The following DCHS1 variants were observed in gnomAD, a reference collection of about 807,000 sequenced individuals.
The protein encoded by DCHS1 is dachsous cadherin-related 1.
Under a neutral mutation model 213.9 loss-of-function variants are expected in DCHS1, and 78 were observed. That is an observed-to-expected ratio of 0.36 (90% CI 0.30 to 0.44). DCHS1 has a LOEUF of 0.44. Ranked by LOEUF, DCHS1 falls within the 20% of genes least tolerant of loss-of-function variation. DCHS1 has a pLI of 1.00. For missense variants in DCHS1, 3,946 were observed against 4,395.9 expected (o/e 0.90, Z 2.89); for synonymous variants, 1,828 against 1,873.7 (o/e 0.98, Z 0.63).
At position 6,622,023 on chromosome 11, in the gene DCHS1, G is replaced by T. The variant is rs1394619129; in HGVS notation, c.9653C>A (p.Pro3218His). Reference sequence around the variant, plus strand: ...GGCTGCAGCTGTGTTTGCTGGCTTGGGGGGCACAGACTTGGCTCCTGGGTG... The same window carrying T: ...GGCTGCAGCTGTGTTTGCTGGCTTGTGGGGCACAGACTTGGCTCCTGGGTG... Reference protein sequence around the residue: ...VAHPGAKSVPPKPANTAAARA... With the variant: ...VAHPGAKSVPHKPANTAAARA... Residue 3218 changes from proline to histidine, a missense_variant, in exon 21 of 21, where the codon CCC becomes CAC. Around this residue, in one of 3 missense-constraint regions of DCHS1, gnomAD observed 554 missense variants for 590.2 expected, o/e 0.94. Coordinates refer to ENST00000299441, the MANE Select transcript of DCHS1 (RefSeq NM_003737.4). The surrounding 1 kb of genome is among the most constrained non-coding windows in gnomAD (Gnocchi z 5.4). The T allele has an allele frequency of 7.4e-6, 12 of 1,613,386 alleles. No homozygotes were observed. The highest frequency in any genetic ancestry group is 9.3e-6 in the Non-Finnish European group (11 of 1,179,792).
rs2659870 is a variant in DCHS1 at position 6,632,001 on chromosome 11, C to T, written c.3481+30G>A. ...TCACCAGGCTGGGGATAAGGCTATG[C>T]GGTCTCAGGATTTGGGTCTCTGTGC... On this transcript the variant is annotated intron_variant, in intron 6 of 20. Coordinates refer to ENST00000299441, the MANE Select transcript of DCHS1 (RefSeq NM_003737.4). The surrounding 1 kb of genome is among the most constrained non-coding windows in gnomAD (Gnocchi z 5.9). The T allele has an allele frequency of 4.7e-6, 7 of 1,493,448 alleles. No individual in the cohort carries two copies. The highest frequency in any genetic ancestry group is 1.4e-5 in the African/African-American group (1 of 71,350). The allele number at this position is 1,493,448 out of a possible 1,614,324, so 92.5% of individuals were successfully genotyped here.
intron 1 of DCHS1, among the ~76,000 whole-genome samples, chr11:6,652,860 C>G (rs1233691577): frequency 6.6e-6 from 1 of 152,184 alleles, no homozygotes; most frequent in African/African-American, 2.4e-5. Context: ...GCTGATCCCA[C>G]TGCCTAAAGA....
At position 6,622,929 on chromosome 11, in the gene DCHS1, A is replaced by G; in HGVS notation, c.8747T>C (p.Val2916Ala). The change falls in exon 21 of 21, where the codon GTG becomes GCG. Residue 2916 changes from valine to alanine, a missense_variant. Val to Ala is a moderately conservative substitution (Grantham distance 64). Around this residue, in one of 3 missense-constraint regions of DCHS1, gnomAD observed 554 missense variants for 590.2 expected, o/e 0.94. Coordinates refer to ENST00000299441, the MANE Select transcript of DCHS1 (RefSeq NM_003737.4). The surrounding 1 kb of genome is among the most constrained non-coding windows in gnomAD (Gnocchi z 5.4). ...GTGGGTGATATCCACGGTCACAGGC[A>G]CTGTGGCACTCCGGGAACCAGGCAG... ...GPLPGSRSAT[V>A]PVTVDITHTA... The G allele has an allele frequency of 6.3e-7, 1 of 1,589,582 alleles. No homozygotes were observed. Among genetic ancestry groups the G allele is most frequent in the Non-Finnish European group, 8.6e-7 (1 of 1,168,174 alleles).
rs752426531 is a variant in DCHS1 at position 6,625,335 on chromosome 11, G to A, written c.7009C>T (p.Leu2337=). ...TAGCGGTCACACTGCTCAAAGTCCA[G>A]GGGCCCCGTGAGGGAGACACGGCCT... ...YGGRVSLTGP[L]DFEQCDRYQL... Residue 2337 remains leucine (L), a synonymous_variant, in exon 19 of 21, where the codon CTG becomes TTG. Coordinates refer to ENST00000299441, the MANE Select transcript of DCHS1 (RefSeq NM_003737.4). This position sits in a 1 kb window ranked among gnomAD's most constrained non-coding sequence, Gnocchi z 5.3. The A allele has an allele frequency of 2.5e-6, 4 of 1,613,826 alleles. No individual in the cohort carries two copies. Among genetic ancestry groups the A allele is most frequent in the Middle Eastern group, 1.6e-4 (1 of 6,062 alleles).
Position 6,623,768 on chromosome 11 carries a change from G to A in DCHS1, c.7908C>T (p.Leu2636=), listed in dbSNP as rs1351950414. ...ASDADPGPHG[L]VRFTVSSGDP... is the part of the protein sequence containing the mutation. ...CGCCTGAGCTGACAGTGAAACGCAC[G>A]AGGCCATGAGGGCCAGGGTCAGCGT... Residue 2636 remains leucine, a synonymous_variant, in exon 21 of 21, where the codon CTC becomes CTT. Transcript: ENST00000299441. 13 of 1,613,960 alleles carry A rather than the reference G, an allele frequency of 8.1e-6. No homozygotes were observed. Among genetic ancestry groups the A allele is most frequent in the Admixed American group, 1.7e-5 (1 of 60,034 alleles).
chr11:6,647,949 G>T (rs1320638090), intron 1 of DCHS1, among the ~76,000 whole-genome samples: 1 of 152,144 alleles, frequency 6.6e-6, no homozygotes, highest in Non-Finnish European at 1.5e-5. Context: ...GGAGGTGAAG[G>T]TAAGAAGACT....
chr11:6,648,541 A>G (rs748036187), intron 1 of DCHS1, among the ~76,000 whole-genome samples: 5 of 152,202 alleles, frequency 3.3e-5, no homozygotes, highest in Non-Finnish European at 7.3e-5. Flanking sequence ...TGGATCAACC[A>G]ATAGCTAGCC....
At chr11:6,642,026 T>C (rs1012096674) in intron 1 of DCHS1, among the ~76,000 whole-genome samples, 1 of 152,218 alleles carries the variant, frequency 6.6e-6, no homozygotes, top group Non-Finnish European at 1.5e-5. Flanking sequence ...CTTAAAAATA[T>C]GGACATTCTT....
chr11:6,634,222 G>C lies in DCHS1; in HGVS notation c.1882C>G (p.Pro628Ala). The change falls in exon 3 of 21, where the codon CCA becomes GCA. Residue 628 changes from proline (P) to alanine (A), a missense_variant. Physicochemically the swap from Pro to Ala is conservative, Grantham distance 27. Around this residue, in one of 3 missense-constraint regions of DCHS1, gnomAD observed 3,384 missense variants for 3,780.1 expected, o/e 0.90. Transcript: ENST00000299441. ...GAGLGSSGSP[P>A]FRIDAHSGDV... Reference sequence around the variant, plus strand: ...CCGCTGTGGGCATCAATGCGGAATGGGGGAGATCCGGAGGACCCAAGTCCA... The same window carrying C: ...CCGCTGTGGGCATCAATGCGGAATGCGGGAGATCCGGAGGACCCAAGTCCA... The C allele has an allele frequency of 1.2e-6, 2 of 1,613,956 alleles. No individual in the cohort carries two copies. Among genetic ancestry groups the C allele is most frequent in the East Asian group, 2.2e-5 (1 of 44,886 alleles).
At position 6,629,492 on chromosome 11, in the gene DCHS1, C is replaced by T. The variant is rs750894257; in HGVS notation, c.5121G>A (p.Arg1707=). ...DPDTGVLTTL[R]ALDREEQEEI... is the part of the protein sequence containing the mutation. ...CCTCCTGTTCCTCTCGATCCAGGGC[C>T]CGAAGAGTCGTGAGAACACCAGTGT... The change falls in exon 12 of 21, where the codon CGG becomes CGA. Residue 1707 remains arginine, a synonymous_variant. Transcript: ENST00000299441. 6.2e-7 allele frequency: 1 copy of T among 1,613,096 alleles called. No individual in the cohort carries two copies. Among genetic ancestry groups the T allele is most frequent in the Non-Finnish European group, 8.5e-7 (1 of 1,179,604 alleles).
In DCHS1 at chr11:6,630,107, C is replaced by T. The variant is rs781737138; in HGVS notation, c.4687G>A (p.Ala1563Thr). The change falls in exon 10 of 21, where the codon GCG (alanine) becomes ACG (threonine). Residue 1563 changes from alanine to threonine, a missense_variant. This residue lies in a region of DCHS1 where 3,384 missense variants were observed against 3,780.1 expected (regional missense o/e 0.90). Transcript: ENST00000299441. ...TCCCGGGCTACCACGTGCAGGGCCG[C>T]GGGCCCAGGCGGCTGGTCCTCTGGG... ...RLPEDQPPGPAALHVVARDPD... is the reference protein window; with the variant it reads ...RLPEDQPPGPTALHVVARDPD... 1.2e-5 allele frequency: 19 copies of T among 1,602,732 alleles called. No individual in the cohort carries two copies. The African/African-American group carries it at 1.7e-4, about 15-fold the overall frequency.
chr11:6,643,784 C>G (rs2134649847), intron 1 of DCHS1, among the ~76,000 whole-genome samples: 1 of 152,348 alleles, frequency 6.6e-6, no homozygotes, highest in Non-Finnish European at 1.5e-5. Context: ...TCTGGAGACA[C>G]ATGTCCAGCC....
At chr11:6,647,467 C>T (rs1199642903) in intron 1 of DCHS1, among the ~76,000 whole-genome samples, 1 of 152,148 alleles carries the variant, frequency 6.6e-6, no homozygotes, top group Non-Finnish European at 1.5e-5. Flanking sequence ...CTGGCTCTGT[C>T]CCTCCTGAGG....
intron 1 of DCHS1, among the ~76,000 whole-genome samples, chr11:6,653,491 G>A (rs548152695): frequency 6.6e-6 from 1 of 152,290 alleles, no homozygotes; most frequent in East Asian, 1.9e-4. Context: ...TAGGTGCCTA[G>A]TATGTGTTTG....
rs1855912907 is a variant in DCHS1 at position 6,631,820 on chromosome 11, A to C, written c.3482-11T>G. ...GTGTGGTCACTTCTCCTGGGAGTGC[A>C]AGAAGGCGATCATGTACGAGATGTT... On this transcript the variant is annotated splice_polypyrimidine_tract_variant and intron_variant, in intron 6 of 20. Coordinates refer to ENST00000299441, the MANE Select transcript of DCHS1 (RefSeq NM_003737.4). 1.3e-6 allele frequency: 2 copies of C among 1,515,200 alleles called. No individual in the cohort carries two copies. The highest frequency in any genetic ancestry group is 4.6e-5 in the East Asian group (2 of 43,686). The allele number at this position is 1,515,200 out of a possible 1,614,324, so 93.9% of individuals were successfully genotyped here. A position where few individuals can be genotyped will look rare whatever the true frequency, so the allele number is the denominator to read the frequency against.
chr11:6,655,783 C>G lies in DCHS1; in HGVS notation c.-341G>C. The G allele has an allele frequency of 2.0e-6, 2 of 978,430 alleles. No individual in the cohort carries two copies. The highest frequency in any genetic ancestry group is 9.4e-5 in the South Asian group (2 of 21,386). The allele number at this position is 978,430 out of a possible 1,614,324, so 60.6% of individuals were successfully genotyped here. A position where few individuals can be genotyped will look rare whatever the true frequency, so the allele number is the denominator to read the frequency against. On this transcript the variant is annotated 5_prime_UTR_variant, in exon 1 of 21. Coordinates refer to ENST00000299441, the MANE Select transcript of DCHS1 (RefSeq NM_003737.4). ...GCCCGGGCGCCGCCTCCTGCACAGC[C>G]GCCCCGCCGAGGATGCGAGCTCCGC...
chr11:6,631,362 C>T lies in DCHS1; in HGVS notation c.3721G>A (p.Ala1241Thr). The change falls in exon 8 of 21, where the codon GCG (alanine) becomes ACG (threonine). Residue 1241 changes from alanine to threonine, a missense_variant. Physicochemically the swap from Ala to Thr is moderately conservative, Grantham distance 58 (BLOSUM62 0). Coordinates refer to ENST00000299441, the MANE Select transcript of DCHS1 (RefSeq NM_003737.4). Reference protein sequence around the residue: ...PPGTLVTTLQAKDPDEGENGT... With the variant: ...PPGTLVTTLQTKDPDEGENGT... Reference sequence around the variant, plus strand: ...TTCTCCCCCTCATCTGGATCCTTCGCCTGCAGAGTCGTCACCAGTGTTCCC... The same window carrying T: ...TTCTCCCCCTCATCTGGATCCTTCGTCTGCAGAGTCGTCACCAGTGTTCCC... 6.2e-7 allele frequency: 1 copy of T among 1,613,998 alleles called. No homozygotes were observed. Among genetic ancestry groups the T allele is most frequent in the Non-Finnish European group, 8.5e-7 (1 of 1,179,880 alleles).
rs1855890926 is a variant in DCHS1 at position 6,630,635 on chromosome 11, G to T, written c.4159C>A (p.Arg1387Ser). 2.0e-6 allele frequency: 3 copies of T among 1,536,932 alleles called. No homozygotes were observed. The highest frequency in any genetic ancestry group is 1.7e-6 in the Non-Finnish European group (2 of 1,146,362). The stretch of plus-strand genomic sequence containing the variant: ...TCCAGGGGCCGCGCCAGGTACAAGC[G>T]CCCTGAGGCCGCATCCAGCGCGAAG... ...GTFALDAASG[R>S]LYLARPLDFE... Residue 1387 changes from arginine to serine, a missense_variant, in exon 10 of 21, where the codon CGC becomes AGC. Physicochemically the swap from Arg to Ser is moderately radical, Grantham distance 110. Around this residue, in one of 3 missense-constraint regions of DCHS1, gnomAD observed 3,384 missense variants for 3,780.1 expected, o/e 0.90. Coordinates refer to ENST00000299441, the MANE Select transcript of DCHS1 (RefSeq NM_003737.4).
chr11:6,655,550 C>T lies in DCHS1; in HGVS notation c.-121+13G>A. ...GGCGCGGCCAGACGGGCCGGGCGGG[C>T]GCGGGCACTGACCTCCGCGCGACGC... On this transcript the variant is annotated intron_variant, in intron 1 of 20. Coordinates refer to ENST00000299441, the MANE Select transcript of DCHS1 (RefSeq NM_003737.4). The T allele has an allele frequency of 1.0e-6, 1 of 981,100 alleles. No individual in the cohort carries two copies. The highest frequency in any genetic ancestry group is 1.2e-6 in the Non-Finnish European group (1 of 828,200). 60.8% of individuals were successfully genotyped at this position (981,100 alleles called of 1,614,324 possible).
Sources: allele counts gnomAD v4.1 joint callset (sites outside exome capture counted in the v4.1 genomes callset), GRCh38; gene constraint gnomAD v4.1.1; regional missense constraint gnomAD v4.1.1; non-coding constraint Gnocchi (gnomAD v3.1); transcripts MANE v1.5; gene names NCBI Gene and HGNC (gene_info 2026-07-23, HGNC 2026-07-21).